Variants in MIPOL1 observed in about 807,000 individuals in gnomAD.
MIPOL1 encodes mirror-image polydactyly gene 1 protein.
Under a neutral mutation model 60.9 loss-of-function variants are expected in MIPOL1, and 57 were observed. That is an observed-to-expected ratio of 0.94 (90% CI 0.76 to 1.17). MIPOL1 has a LOEUF of 1.17. Among genes scored for constraint, MIPOL1 ranks in the 50% most tolerant of loss-of-function variants. The pLI, the probability that MIPOL1 is intolerant of heterozygous loss-of-function variation, is 0.00. For missense variants in MIPOL1, 551 were observed against 511.6 expected (o/e 1.08, Z -0.74); for synonymous variants, 179 against 168.8 (o/e 1.06, Z -0.47).
chr14:37,336,002 T>G (rs760626070), intron 9 of MIPOL1, among the ~76,000 whole-genome samples: 3 of 152,046 alleles, frequency 2.0e-5, no homozygotes, highest in Non-Finnish European at 4.4e-5. Flanking sequence ...TTTCCCTGTA[T>G]TTTCTTCTAA....
chr14:37,398,416 A>T (rs1347031152), intron 10 of MIPOL1, among the ~76,000 whole-genome samples: 1 of 152,018 alleles, frequency 6.6e-6, no homozygotes, highest in Non-Finnish European at 1.5e-5. Flanking sequence ...GTTATTCTGG[A>T]GCTAAAATTC....
At chr14:37,461,589 G>T (rs1047916888) in intron 11 of MIPOL1, among the ~76,000 whole-genome samples, 2 of 151,946 alleles carry the variant, frequency 1.3e-5, no homozygotes, top group African/African-American at 4.8e-5. Context: ...CCCCCAAACA[G>T]TCTGCTTATG....
At chr14:37,357,612 A>G (rs2091935894) in intron 9 of MIPOL1, among the ~76,000 whole-genome samples, 1 of 152,046 alleles carries the variant, frequency 6.6e-6, no homozygotes, top group Non-Finnish European at 1.5e-5. Context: ...AGGTTATTAG[A>G]TCTTTTCCAA....
At chr14:37,442,243 G>A (rs904215827) in intron 11 of MIPOL1, among the ~76,000 whole-genome samples, 7 of 152,012 alleles carry the variant, frequency 4.6e-5, no homozygotes, top group Admixed American at 4.6e-4. Flanking sequence ...CTTTAGCGAA[G>A]TTGTTTATTA....
At chr14:37,250,034 A>G (rs1452183111) in intron 3 of MIPOL1, among the ~76,000 whole-genome samples, 1 of 152,160 alleles carries the variant, frequency 6.6e-6, no homozygotes, top group Non-Finnish European at 1.5e-5. Flanking sequence ...GAAGGAGCTG[A>G]TGAAGCTCTG....
intron 1 of MIPOL1, among the ~76,000 whole-genome samples, chr14:37,245,847 T>C (rs750234880): frequency 3.9e-5 from 6 of 152,126 alleles, no homozygotes; most frequent in Non-Finnish European, 8.8e-5. Flanking sequence ...AAGAGTATAA[T>C]AAATAAGCTT....
chr14:37,326,404 CACAG>C (rs1325167745), intron 9 of MIPOL1, among the ~76,000 whole-genome samples: 2 of 152,168 alleles, frequency 1.3e-5, no homozygotes, highest in African/African-American at 2.4e-5. Context: ...TCTGTAAGTT[CACAG>C]ACAGTTTTTT....
At chr14:37,359,266 G>A (rs953649583) in intron 9 of MIPOL1, among the ~76,000 whole-genome samples, 7 of 152,284 alleles carry the variant, frequency 4.6e-5, no homozygotes, top group South Asian at 2.1e-4. Context: ...GTCAGGTAGC[G>A]TGATGCTTCC....
chr14:37,441,625 C>T (rs753324608), intron 11 of MIPOL1, among the ~76,000 whole-genome samples: 17 of 151,938 alleles, frequency 1.1e-4, no homozygotes, highest in Non-Finnish European at 1.5e-4. Flanking sequence ...ATGCTGTTTT[C>T]GTTACTATAG....
chr14:37,355,772 A>G (rs1178802252), intron 9 of MIPOL1, among the ~76,000 whole-genome samples: 1 of 150,338 alleles, frequency 6.7e-6, no homozygotes, highest in Non-Finnish European at 1.5e-5. Context: ...TGCTTTAAGC[A>G]CTTCTCTGTA....
chr14:37,523,645 C>T (rs1323878269), intron 12 of MIPOL1: 1 of 361,406 alleles, frequency 2.8e-6, no homozygotes, highest in Non-Finnish European at 5.0e-6. Context: ...CCTAATTCAA[C>T]AGATTTTTTA....
chr14:37,457,530 A>G (rs770341533), intron 11 of MIPOL1, among the ~76,000 whole-genome samples: 4 of 152,140 alleles, frequency 2.6e-5, no homozygotes, highest in Non-Finnish European at 5.9e-5. Flanking sequence ...ACCTTACTCT[A>G]CAAGTTGGTA....
intron 6 of MIPOL1, among the ~76,000 whole-genome samples, chr14:37,280,743 C>T (rs2084036372): frequency 6.6e-6 from 1 of 152,148 alleles, no homozygotes; most frequent in South Asian, 2.1e-4. Flanking sequence ...ACTGCAACCT[C>T]CACCTCCTGG....
chr14:37,438,651 G>A (rs1458675645), intron 11 of MIPOL1, among the ~76,000 whole-genome samples: 2 of 152,116 alleles, frequency 1.3e-5, no homozygotes, highest in African/African-American at 2.4e-5. Flanking sequence ...ACACATCACT[G>A]AGACCATGTT....
intron 1 of MIPOL1, among the ~76,000 whole-genome samples, chr14:37,200,619 A>T (rs1005404227): frequency 6.7e-6 from 1 of 149,852 alleles, no homozygotes; most frequent in Non-Finnish European, 1.5e-5. Flanking sequence ...TTTACATAGG[A>T]ACCCAAAGTG....
At chr14:37,357,980 C>A (rs1156925612) in intron 9 of MIPOL1, among the ~76,000 whole-genome samples, 6 of 152,010 alleles carry the variant, frequency 3.9e-5, no homozygotes, top group African/African-American at 1.2e-4. Context: ...CTAATGCTAT[C>A]CCTCCCCCAG....
chr14:37,304,038 T>A (rs2086570226), intron 7 of MIPOL1, among the ~76,000 whole-genome samples: 1 of 151,830 alleles, frequency 6.6e-6, no homozygotes, highest in Non-Finnish European at 1.5e-5. Flanking sequence ...TTCTGAACTG[T>A]CAAGAGTGTG....
chr14:37,342,568 T>C (rs1443892789), intron 9 of MIPOL1, among the ~76,000 whole-genome samples: 1 of 151,872 alleles, frequency 6.6e-6, no homozygotes, highest in African/African-American at 2.4e-5. Context: ...TGGCTAAGTT[T>C]TGTATTTTTA....
intron 11 of MIPOL1, among the ~76,000 whole-genome samples, chr14:37,433,043 G>A (rs1021275717): frequency 2.0e-5 from 3 of 152,226 alleles, no homozygotes; most frequent in Non-Finnish European, 4.4e-5. Flanking sequence ...AACCAGTGAA[G>A]GGCTGATGTT....
Sources: allele counts gnomAD v4.1 joint callset (sites outside exome capture counted in the v4.1 genomes callset), GRCh38; gene constraint gnomAD v4.1.1; transcripts MANE v1.5; gene names NCBI Gene and HGNC (gene_info 2026-07-23, HGNC 2026-07-21).